ATXN7: variants seen among roughly 807,000 people sequenced by gnomAD.
ATXN7 encodes the protein ataxin-7.
Under a neutral mutation model 70.5 loss-of-function variants are expected in ATXN7, and 12 were observed. The ratio of observed to expected loss-of-function variants is 0.17; its 90% CI spans 0.11 to 0.28. ATXN7 has a LOEUF of 0.28. Among genes scored for constraint, ATXN7 ranks in the 10% least tolerant of loss-of-function variants. The pLI, the probability that ATXN7 is intolerant of heterozygous loss-of-function variation, is 1.00. For missense variants in ATXN7, 1,256 were observed against 1,131.7 expected, an observed-to-expected ratio of 1.11 and a Z score of -1.58; for synonymous variants, 498 against 448.7, an observed-to-expected ratio of 1.11 and a Z score of -1.39.
intron 5 of ATXN7, among the ~76,000 whole-genome samples, chr3:63,966,603 C>T (rs1221582666): frequency 6.6e-6 from 1 of 152,100 alleles, no homozygotes; most frequent in Non-Finnish European, 1.5e-5. Flanking sequence ...AGAAAACCCC[C>T]TGGGTCTTAG....
At chr3:63,914,122 T>G (rs1704167115) in intron 4 of ATXN7, among the ~76,000 whole-genome samples, 1 of 152,206 alleles carries the variant, frequency 6.6e-6, no homozygotes, top group African/African-American at 2.4e-5. Flanking sequence ...AGTCCCCGAA[T>G]GCAATTTTAT....
intron 4 of ATXN7, among the ~76,000 whole-genome samples, chr3:63,949,611 T>A (rs933378687): frequency 1.3e-5 from 2 of 152,194 alleles, no homozygotes; most frequent in African/African-American, 4.8e-5. Flanking sequence ...TTGGCCATGC[T>A]GGTCTCGAAC....
chr3:63,952,371 T>C lies in ATXN7; in HGVS notation c.395-8T>C. ...ATGAGTGAGTGATGCTCTGTTTCTG[T>C]GTTGCAGACATGCCAATATTTGGTT... On this transcript the variant is annotated splice_polypyrimidine_tract_variant and splice_region_variant and intron_variant, in intron 4 of 12. Transcript: ENST00000674280. 6.2e-7 allele frequency: 1 copy of C among 1,600,126 alleles called. No homozygotes were observed. The highest frequency in any genetic ancestry group is 8.5e-7 in the Non-Finnish European group (1 of 1,172,068).
In ATXN7 at chr3:63,982,250, G is replaced by A. The variant is rs764371365; in HGVS notation, c.817G>A (p.Ala273Thr). Residue 273 changes from alanine (A) to threonine (T), a missense_variant, in exon 7 of 13, where the codon GCG becomes ACG. Physicochemically the swap from Ala to Thr is moderately conservative, Grantham distance 58. Coordinates refer to ENST00000674280, the MANE Select transcript of ATXN7 (RefSeq NM_001377405.1). ...AATGGATGGCACACTACTGAAATCTGCGGTGGGGCCAACCTGTCCTGCTAC... is the reference window on the plus strand; with the variant it reads ...AATGGATGGCACACTACTGAAATCTACGGTGGGGCCAACCTGTCCTGCTAC... ...PKMDGTLLKSAVGPTCPATVS... is the reference protein window; with the variant it reads ...PKMDGTLLKSTVGPTCPATVS... 9 of 1,613,998 alleles carry A rather than the reference G, an allele frequency of 5.6e-6. No homozygotes were observed. The highest frequency in any genetic ancestry group is 1.7e-5 in the Admixed American group (1 of 59,988).
At chr3:63,966,522 C>A (rs1361566302) in intron 5 of ATXN7, among the ~76,000 whole-genome samples, 2 of 152,264 alleles carry the variant, frequency 1.3e-5, no homozygotes, top group East Asian at 3.9e-4. Context: ...CTAGTGTCTT[C>A]TAAGGGCTTC....
Position 63,948,798 on chromosome 3 carries a change from G to C in ATXN7, c.395-3581G>C, listed in dbSNP as rs1473576783. Among the ~76,000 whole-genome samples, 3 of 152,106 alleles carry C rather than the reference G, an allele frequency of 2.0e-5. No individual in the cohort carries two copies. The East Asian group carries it at 5.8e-4, about 29-fold the overall frequency. ...AGTACATGATGGCCTAGATGTGGGT[G>C]CTGGCCCACTCACTAATTGGAACAT... On this transcript the variant is annotated intron_variant, in intron 4 of 12. Coordinates refer to ENST00000674280, the MANE Select transcript of ATXN7 (RefSeq NM_001377405.1).
In ATXN7 at chr3:64,001,287, A is replaced by C. The variant is rs931038378; in HGVS notation, c.*1820A>C. 6.6e-6 allele frequency: 1 copy of C among 152,340 alleles called. No individual in the cohort carries two copies. Among genetic ancestry groups the C allele is most frequent in the African/African-American group, 2.4e-5 (1 of 41,586 alleles). The allele number at this position is 152,340 out of a possible 1,614,324, so 9.4% of individuals were successfully genotyped here. A position where few individuals can be genotyped will look rare whatever the true frequency, so the allele number is the denominator to read the frequency against. ...CAATTATTATGCAATCAATCAGTAA[A>C]TGTTTTTAAAATGATACTACAGGAG... On this transcript the variant is annotated 3_prime_UTR_variant, in exon 13 of 13. Transcript: ENST00000674280.
chr3:63,871,618 A>T (rs1179735318), intron 1 of ATXN7, among the ~76,000 whole-genome samples: 1 of 152,188 alleles, frequency 6.6e-6, no homozygotes, highest in Non-Finnish European at 1.5e-5. Context: ...CATGTAGTGG[A>T]ATATGCTGCA....
Position 63,971,603 on chromosome 3 carries a change from A to G in ATXN7, c.500-8312A>G, listed in dbSNP as rs146863887. Among the ~76,000 whole-genome samples the G allele has an allele frequency of 1.0e-3, 154 of 152,340 alleles. 1 individual carries two copies. The highest frequency in any genetic ancestry group is 3.5e-3 in the African/African-American group (146 of 41,586). ...AGGAAATATTAAATGCTCGATGTTC[A>G]TGTGTAGTCCATGGTGTGATTTTCA... is the stretch of plus-strand genomic sequence containing the variant. On this transcript the variant is annotated intron_variant, in intron 5 of 12. Coordinates refer to ENST00000674280, the MANE Select transcript of ATXN7 (RefSeq NM_001377405.1).
At chr3:63,906,345 T>A (rs1326505063) in intron 2 of ATXN7, among the ~76,000 whole-genome samples, 3 of 152,220 alleles carry the variant, frequency 2.0e-5, no homozygotes, top group Non-Finnish European at 2.9e-5. Flanking sequence ...GCATTTGTGT[T>A]GTTCCTTCCC....
chr3:63,954,261 C>G (rs1400305569), intron 5 of ATXN7, among the ~76,000 whole-genome samples: 1 of 152,166 alleles, frequency 6.6e-6, no homozygotes. Flanking sequence ...ACAGAGCTGC[C>G]ACATATGGCT....
At chr3:63,891,403 T>G (rs1439022524) in intron 1 of ATXN7, among the ~76,000 whole-genome samples, 2 of 151,626 alleles carry the variant, frequency 1.3e-5, no homozygotes, top group Non-Finnish European at 2.9e-5. Context: ...ACTGCAGCCT[T>G]GAACTCCTGG....
chr3:63,938,746 T>C (rs2074706091), intron 4 of ATXN7, among the ~76,000 whole-genome samples: 1 of 152,238 alleles, frequency 6.6e-6, no homozygotes, highest in Non-Finnish European at 1.5e-5. Context: ...CAAGCATCAA[T>C]GAAAGCATTA....
intron 5 of ATXN7, among the ~76,000 whole-genome samples, chr3:63,960,609 G>A (rs948000774): frequency 7.9e-5 from 12 of 152,144 alleles, no homozygotes; most frequent in African/African-American, 2.7e-4. Context: ...AGCAGGGCTT[G>A]CTGATGGACT....
intron 5 of ATXN7, among the ~76,000 whole-genome samples, chr3:63,969,821 A>G (rs1281519060): frequency 6.6e-6 from 1 of 152,216 alleles, no homozygotes; most frequent in African/African-American, 2.4e-5. Context: ...CCTAACACAT[A>G]GAGGATTGAA....
chr3:63,964,071 TAAAC>T (rs766788787), intron 5 of ATXN7, among the ~76,000 whole-genome samples: 7 of 103,584 alleles, frequency 6.8e-5, no homozygotes, highest in African/African-American at 1.6e-4. Context: ...CTTAGACACA[TAAAC>T]ACACACACAC....
intron 5 of ATXN7, among the ~76,000 whole-genome samples, chr3:63,964,329 A>G (rs2075183730): frequency 6.6e-6 from 1 of 152,200 alleles, no homozygotes; most frequent in African/African-American, 2.4e-5. Flanking sequence ...TCCCCTGTGC[A>G]AAATGTGAGG....
rs1376485291 is a variant in ATXN7, at chr3:63,912,683, C to A, written c.85C>A (p.Arg29=). 1.8e-6 allele frequency: 2 copies of A among 1,102,502 alleles called. No individual in the cohort carries two copies. The highest frequency in any genetic ancestry group is 2.2e-6 in the Non-Finnish European group (2 of 903,594). 68.3% of individuals were successfully genotyped at this position (1,102,502 alleles called of 1,614,324 possible). The part of the protein sequence containing the change: ...AAGGAAAAAA[R]QQQQQQQQQQ... ...GGGCGGAGCAGCGGCCGCGGCCGCC[C>A]GGCAGCAGCAGCAGCAGCAGCAGCA... is the stretch of plus-strand genomic sequence containing the variant. The change falls in exon 3 of 13, where the codon CGG becomes AGG. Residue 29 remains arginine (R), a synonymous_variant. Coordinates refer to ENST00000674280, the MANE Select transcript of ATXN7 (RefSeq NM_001377405.1).
At chr3:63,924,634 C>G (rs1704643064) in intron 4 of ATXN7, among the ~76,000 whole-genome samples, 1 of 152,058 alleles carries the variant, frequency 6.6e-6, no homozygotes, top group Admixed American at 6.6e-5. Context: ...TTATATGCTG[C>G]TGTGAAGTAA....
Sources: gnomAD v4.1 joint callset for allele counts (sites outside exome capture counted in the v4.1 genomes callset) on GRCh38, gnomAD v4.1.1 for gene constraint, MANE v1.5 for transcripts, NCBI Gene and HGNC (gene_info 2026-07-23, HGNC 2026-07-21) for gene names.